The following RABGAP1L variants were observed in gnomAD, a reference collection of about 807,000 sequenced individuals.
The protein encoded by RABGAP1L is RAB GTPase activating protein 1 like.
A neutral mutation model predicts 137.7 loss-of-function variants in RABGAP1L; 63 were observed. The observed-to-expected ratio is 0.46, with a 90% CI of 0.37 to 0.56. The LOEUF (loss-of-function observed/expected upper bound fraction) is 0.56. RABGAP1L is among the 20% of genes least tolerant of loss of function. The probability of loss-of-function intolerance (pLI) is 0.00; values close to 1 mark genes in which losing one functional copy is unlikely to be tolerated. For synonymous variants in RABGAP1L, 431 were observed against 433.7 expected (o/e 0.99, Z 0.08); for missense variants, 1,095 against 1,244.0 (o/e 0.88, Z 1.80).
chr1:174,857,909 T>G (rs548333844), intron 19 of RABGAP1L, among the ~76,000 whole-genome samples: 1 of 152,312 alleles, frequency 6.6e-6, no homozygotes, highest in East Asian at 1.9e-4. Flanking sequence ...AATATCAGAT[T>G]GGTCTGAAAT....
rs565604572 is a variant in RABGAP1L, at chr1:174,629,771, G to A, written c.1711-7604G>A. On this transcript the variant is annotated intron_variant, in intron 13 of 25. Transcript: ENST00000681986. The stretch of plus-strand genomic sequence containing the variant: ...AGTCCTGAGCTCAGGCAATCCGCCC[G>A]CCTCAGCCTCCCAAAGTGCTGGGAT... 8.1e-4 allele frequency among the ~76,000 whole-genome samples: 123 copies of A among 152,250 alleles called. No homozygotes were observed. In the South Asian group the frequency reaches 0.014, roughly 17 times the overall value.
chr1:174,452,719 GCC>G (rs957233363), intron 13 of RABGAP1L, among the ~76,000 whole-genome samples: 66 of 152,004 alleles, frequency 4.3e-4, no homozygotes, highest in Non-Finnish European at 8.4e-4. Flanking sequence ...CTGCCACCAC[GCC>G]CAGCTAATTT....
chr1:174,271,159 A>G (rs1470378879), intron 7 of RABGAP1L, among the ~76,000 whole-genome samples: 1 of 152,102 alleles, frequency 6.6e-6, no homozygotes. Flanking sequence ...CTGTATTTGA[A>G]AAGTTATCCT....
intron 11 of RABGAP1L, among the ~76,000 whole-genome samples, chr1:174,332,575 T>A (rs753781348): frequency 3.3e-5 from 5 of 152,074 alleles, no homozygotes; most frequent in Non-Finnish European, 5.9e-5. Context: ...TTTGTATTTT[T>A]AGTAGAGATG....
intron 19 of RABGAP1L, among the ~76,000 whole-genome samples, chr1:174,941,747 A>C (rs1249295352): frequency 1.3e-5 from 2 of 152,192 alleles, no homozygotes; most frequent in Non-Finnish European, 2.9e-5. Flanking sequence ...GGTCAATAGC[A>C]AAACCTCCCT....
At chr1:174,957,588 T>C (rs1467095008) in intron 20 of RABGAP1L, 39 bp downstream of exon 20, 4 of 1,536,324 alleles carry the variant, frequency 2.6e-6, no homozygotes, top group Non-Finnish European at 3.6e-6. Context: ...GTACCTTCTT[T>C]TTTGTTTTAA....
In RABGAP1L at chr1:174,763,416, C is replaced by T. The variant is rs1485183003; in HGVS notation, c.2211+11062C>T. Reference sequence around the variant, plus strand: ...CTGTAATCCCAGCACTTTGGGAGGCCGAGGCGGGCGGATCACGAGGTCAGG... The same window carrying T: ...CTGTAATCCCAGCACTTTGGGAGGCTGAGGCGGGCGGATCACGAGGTCAGG... On this transcript the variant is annotated intron_variant, in intron 18 of 25. Transcript: ENST00000681986. Among the ~76,000 whole-genome samples, 12 of 148,410 alleles carry T rather than the reference C, an allele frequency of 8.1e-5. No individual in the cohort carries two copies. In the South Asian group the frequency reaches 1.5e-3, roughly 19 times the overall value.
intron 17 of RABGAP1L, among the ~76,000 whole-genome samples, chr1:174,749,342 G>A (rs1371273246): frequency 6.8e-6 from 1 of 147,806 alleles, no homozygotes; most frequent in African/African-American, 2.5e-5. Flanking sequence ...CTTTTTGTTT[G>A]TTTTTTGAGA....
In RABGAP1L at chr1:174,311,505, C is replaced by T. The variant is rs559482919; in HGVS notation, c.1465+6378C>T. Among the ~76,000 whole-genome samples, 126 of 152,306 alleles carry T rather than the reference C, an allele frequency of 8.3e-4. 1 individual carries two copies. The Middle Eastern group carries it at 0.01, about 12-fold the overall frequency. On this transcript the variant is annotated intron_variant, in intron 11 of 25. Coordinates refer to ENST00000681986, the MANE Select transcript of RABGAP1L (RefSeq NM_001366446.1). ...CAATTGTTTTGATTTTTAGATTCCA[C>T]AAATAAGTGAGAACATACAATGTTT...
chr1:174,298,324 A>G (rs937420374), intron 10 of RABGAP1L, among the ~76,000 whole-genome samples: 2 of 152,288 alleles, frequency 1.3e-5, no homozygotes, highest in Non-Finnish European at 1.5e-5. Flanking sequence ...GGGGGACCTG[A>G]GAATTGGAAT....
chr1:174,629,807 A>T (rs1378044551), intron 13 of RABGAP1L, among the ~76,000 whole-genome samples: 5 of 152,222 alleles, frequency 3.3e-5, no homozygotes, highest in Non-Finnish European at 7.3e-5. Flanking sequence ...TACAGGCGTG[A>T]GCCATCGCGC....
chr1:174,763,752 G>A (rs1420528107), intron 18 of RABGAP1L, among the ~76,000 whole-genome samples: 1 of 142,340 alleles, frequency 7.0e-6, no homozygotes, highest in African/African-American at 2.6e-5. Flanking sequence ...GCAAGAGAAT[G>A]GCGTGAACCC....
intron 1 of RABGAP1L, among the ~76,000 whole-genome samples, chr1:174,182,709 A>G (rs564209573): frequency 6.6e-6 from 1 of 152,224 alleles, no homozygotes; most frequent in South Asian, 2.1e-4. Context: ...CTCTCTCCCC[A>G]CTTGAGTGAA....
chr1:174,950,954 G>A (rs1378791284), intron 19 of RABGAP1L, among the ~76,000 whole-genome samples: 1 of 152,162 alleles, frequency 6.6e-6, no homozygotes, highest in Non-Finnish European at 1.5e-5. Flanking sequence ...AATTACAGAA[G>A]CAGATTCATC....
At chr1:174,309,824 A>G (rs985456768) in intron 11 of RABGAP1L, among the ~76,000 whole-genome samples, 1 of 151,824 alleles carries the variant, frequency 6.6e-6, no homozygotes, top group African/African-American at 2.4e-5. Flanking sequence ...CATTTTTTGT[A>G]GTATCCTTGT....
intron 13 of RABGAP1L, among the ~76,000 whole-genome samples, chr1:174,459,585 T>C (rs772210974): frequency 1.3e-5 from 2 of 152,102 alleles, no homozygotes; most frequent in Non-Finnish European, 2.9e-5. Flanking sequence ...AAATGCAATA[T>C]AATTAGTTGT....
intron 13 of RABGAP1L, among the ~76,000 whole-genome samples, chr1:174,615,799 A>C (rs1454555720): frequency 6.6e-6 from 1 of 152,154 alleles, no homozygotes; most frequent in Non-Finnish European, 1.5e-5. Flanking sequence ...CCCCTCCCCC[A>C]GCCTCGCTGC....
At chr1:174,634,697 G>A (rs1673780941) in intron 13 of RABGAP1L, among the ~76,000 whole-genome samples, 1 of 127,376 alleles carries the variant, frequency 7.9e-6, no homozygotes, top group Admixed American at 7.7e-5. Context: ...GGAATACTAT[G>A]CAGCCATAAA....
intron 18 of RABGAP1L, among the ~76,000 whole-genome samples, chr1:174,809,109 T>C (rs1689619440): frequency 1.3e-5 from 2 of 152,230 alleles, no homozygotes; most frequent in Non-Finnish European, 2.9e-5. Context: ...CTCCAGAGGC[T>C]GAGGTTAGCA....
Sources: gnomAD v4.1 joint callset for allele counts (sites outside exome capture counted in the v4.1 genomes callset) on GRCh38, gnomAD v4.1.1 for gene constraint, MANE v1.5 for transcripts, NCBI Gene and HGNC (gene_info 2026-07-23, HGNC 2026-07-21) for gene names.